Variants in ZFHX3 observed in about 807,000 individuals in gnomAD.
The protein encoded by ZFHX3 is zinc finger homeobox protein 3.
A neutral mutation model predicts 279.1 loss-of-function variants in ZFHX3; 42 were observed. The ratio of observed to expected loss-of-function variants is 0.15; its 90% CI spans 0.12 to 0.19. The LOEUF (loss-of-function observed/expected upper bound fraction) is 0.19, where lower values mean the gene tolerates loss of function less well. Ranked by LOEUF, ZFHX3 falls within the 10% of genes least tolerant of loss-of-function variation. The pLI is 1.00. For missense variants in ZFHX3, 4,981 were observed against 4,754.0 expected, an observed-to-expected ratio of 1.05 and a Z score of -1.40; for synonymous variants, 2,293 against 1,957.8, an observed-to-expected ratio of 1.17 and a Z score of -4.52.
At chr16:72,875,080 T>C (rs189831419) in intron 4 of ZFHX3, among the ~76,000 whole-genome samples, 50 of 152,340 alleles carry the variant, frequency 3.3e-4, no homozygotes, top group Non-Finnish European at 5.3e-4. Flanking sequence ...GAGAATGATA[T>C]GGGCCAGTGT....
In ZFHX3 at chr16:73,869,438, A is replaced by G. The variant is rs114024827; in HGVS notation, c.-1608+22213T>C. 9.4e-4 allele frequency among the ~76,000 whole-genome samples: 143 copies of G among 152,370 alleles called. 1 individual carries two copies. The highest frequency in any genetic ancestry group is 3.2e-3 in the African/African-American group (134 of 41,588). ...CAACTGCAGAGAACTGTCTTCAAGC[A>G]AAAGTTACACAGGCAAAAGGCTAAC... On this transcript the variant is annotated intron_variant, in intron 1 of 17. Transcript: ENST00000641206.
intron 4 of ZFHX3, among the ~76,000 whole-genome samples, chr16:72,843,904 C>CCTGTTACCAGGTACCAA (rs2037412363): frequency 1.3e-5 from 2 of 152,204 alleles, no homozygotes; most frequent in Admixed American, 6.5e-5. Flanking sequence ...TGTTTCCAGG[C>CCTGTTACCAGGTACCAA]ACCTGGTACC....
intron 5 of ZFHX3, among the ~76,000 whole-genome samples, chr16:73,146,044 G>A (rs2144840066): frequency 6.6e-6 from 1 of 152,196 alleles, no homozygotes; most frequent in African/African-American, 2.4e-5. Flanking sequence ...ATGAAAACGA[G>A]GTTACAAAAC....
At chr16:73,072,316 C>T (rs1457532925) in intron 8 of ZFHX3, among the ~76,000 whole-genome samples, 1 of 151,910 alleles carries the variant, frequency 6.6e-6, no homozygotes, top group Non-Finnish European at 1.5e-5. Flanking sequence ...GTGGTGGGGG[C>T]GCCTGTAATC....
intron 2 of ZFHX3, among the ~76,000 whole-genome samples, chr16:73,676,951 G>T (rs1030010613): frequency 6.6e-6 from 1 of 151,960 alleles, no homozygotes; most frequent in East Asian, 1.9e-4. Flanking sequence ...CTCTCAGAAT[G>T]AGAATATCTC....
At chr16:73,213,859 G>C (rs2144912665) in intron 5 of ZFHX3, among the ~76,000 whole-genome samples, 1 of 152,250 alleles carries the variant, frequency 6.6e-6, no homozygotes, top group Non-Finnish European at 1.5e-5. Context: ...TGTCCTCTCA[G>C]TTTTCAGAAG....
intron 2 of ZFHX3, among the ~76,000 whole-genome samples, chr16:73,522,581 C>A (rs2019625758): frequency 1.3e-5 from 2 of 152,102 alleles, no homozygotes. Context: ...CAGCCCAGAC[C>A]ATGTCCAATC....
intron 1 of ZFHX3, among the ~76,000 whole-genome samples, chr16:73,737,829 C>A (rs151150160): frequency 6.6e-6 from 1 of 152,140 alleles, no homozygotes; most frequent in African/African-American, 2.4e-5. Flanking sequence ...AGCACCTCCC[C>A]CAGAGAGTGG....
chr16:73,591,891 T>C (rs1016084299), intron 2 of ZFHX3, among the ~76,000 whole-genome samples: 1 of 151,816 alleles, frequency 6.6e-6, no homozygotes, highest in Admixed American at 6.6e-5. Flanking sequence ...TAAATAATTA[T>C]TGTTAATAAT....
chr16:73,050,367 C>T (rs7184715), upstream of ZFHX3, among the ~76,000 whole-genome samples: 16 of 152,200 alleles, frequency 1.1e-4, no homozygotes, highest in African/African-American at 3.6e-4. Flanking sequence ...GAGAGTGACC[C>T]TGAGTTCCTT....
chr16:72,983,268 G>A (rs935533312), intron 1 of ZFHX3, among the ~76,000 whole-genome samples: 2 of 152,158 alleles, frequency 1.3e-5, no homozygotes, highest in African/African-American at 4.8e-5. Flanking sequence ...GCATTAATGC[G>A]GAAAACAAAC....
chr16:73,014,230 A>C (rs1289815062), intron 1 of ZFHX3: 1 of 152,024 alleles, frequency 6.6e-6, no homozygotes, highest in South Asian at 2.1e-4. Context: ...CAACACCCTG[A>C]CTTCAGCCTA....
intron 2 of ZFHX3, among the ~76,000 whole-genome samples, chr16:73,470,501 G>C (rs879610328): frequency 2.6e-5 from 4 of 152,120 alleles, no homozygotes; most frequent in East Asian, 1.9e-4. Context: ...TTAATGCTTA[G>C]TGCTAATGAG....
chr16:73,323,876 C>A (rs1301148146), intron 3 of ZFHX3, among the ~76,000 whole-genome samples: 1 of 152,184 alleles, frequency 6.6e-6, no homozygotes, highest in Non-Finnish European at 1.5e-5. Context: ...GTGATCAACC[C>A]ATCTGGGCTT....
intron 3 of ZFHX3, among the ~76,000 whole-genome samples, chr16:73,393,755 G>A (rs1312066011): frequency 6.6e-6 from 1 of 151,806 alleles, no homozygotes; most frequent in Non-Finnish European, 1.5e-5. Flanking sequence ...GTATCCAGTG[G>A]GTAAAAGCAC....
intron 2 of ZFHX3, among the ~76,000 whole-genome samples, chr16:73,559,544 C>T (rs1451474758): frequency 6.6e-6 from 1 of 152,222 alleles, no homozygotes. Context: ...GTCAGAAGAG[C>T]GAACAATGGA....
chr16:73,512,156 C>G (rs112843289), intron 2 of ZFHX3, among the ~76,000 whole-genome samples: 42 of 151,676 alleles, frequency 2.8e-4, no homozygotes, highest in African/African-American at 9.7e-4. Flanking sequence ...TTGGCCTGGC[C>G]TGGTGGCTCA....
At chr16:73,364,759 G>A (rs1344946066) in intron 3 of ZFHX3, among the ~76,000 whole-genome samples, 3 of 152,158 alleles carry the variant, frequency 2.0e-5, no homozygotes, top group South Asian at 2.1e-4. Context: ...GCGACCGTGT[G>A]GTTCCATCTC....
intron 2 of ZFHX3, among the ~76,000 whole-genome samples, chr16:73,600,844 C>G (rs1340375141): frequency 6.6e-6 from 1 of 152,130 alleles, no homozygotes; most frequent in Non-Finnish European, 1.5e-5. Context: ...ATACCCAAAT[C>G]TGGTTTGTCA....
Sources: gnomAD v4.1 joint callset for allele counts (sites outside exome capture counted in the v4.1 genomes callset) on GRCh38, gnomAD v4.1.1 for gene constraint, MANE v1.5 for transcripts, NCBI Gene and HGNC (gene_info 2026-07-23, HGNC 2026-07-21) for gene names.